The following DNAAF11 variants were observed in gnomAD, a reference collection of about 807,000 sequenced individuals.
DNAAF11 encodes dynein axonemal assembly factor 11.
Under a neutral mutation model 60.8 loss-of-function variants are expected in DNAAF11, and 45 were observed. The observed-to-expected ratio is 0.74, with a 90% confidence interval of 0.58 to 0.95. DNAAF11 has a LOEUF of 0.95. Among genes scored for constraint, DNAAF11 ranks in the 40% least tolerant of loss-of-function variants. The pLI is 0.00. For synonymous variants in DNAAF11, 191 were observed against 183.5 expected (o/e 1.04, Z -0.33); for missense variants, 546 against 546.2 (o/e 1.00, Z 0.00).
At chr8:132,625,190 T>C (rs1820126294) in intron 6 of DNAAF11, 82 bp downstream of exon 6, 4 of 1,096,518 alleles carry the variant, frequency 3.6e-6, no homozygotes, top group Non-Finnish European at 5.1e-6. Flanking sequence ...TTAACACAAA[T>C]AATGGGTCAA....
At chr8:132,658,602 T>C (rs577389481) in intron 2 of DNAAF11, among the ~76,000 whole-genome samples, 3 of 152,216 alleles carry the variant, frequency 2.0e-5, no homozygotes, top group African/African-American at 7.2e-5. Flanking sequence ...ATTACAGGCA[T>C]GAGCCACCGC....
intron 11 of DNAAF11, 107 bp downstream of exon 11, chr8:132,583,587 C>T (rs1398427794): frequency 2.3e-6 from 2 of 856,098 alleles, no homozygotes; most frequent in Non-Finnish European, 3.9e-6. Flanking sequence ...TATGAATCAT[C>T]TCAGAACTTT....
chr8:132,687,632 A>G, the DNAAF11 span: 1 of 455,862 alleles, frequency 2.2e-6, no homozygotes, highest in Non-Finnish European at 4.4e-6. Flanking sequence ...ATCCTCACCC[A>G]TCGTGTGGTT....
intron 5 of DNAAF11, among the ~76,000 whole-genome samples, chr8:132,628,474 C>A (rs1820496703): frequency 6.6e-6 from 1 of 152,010 alleles, no homozygotes; most frequent in African/African-American, 2.4e-5. Context: ...CCATTAATAC[C>A]TTCTTCCCTG....
At chr8:132,617,454 T>C (rs1190608585) in intron 7 of DNAAF11, among the ~76,000 whole-genome samples, 2 of 152,214 alleles carry the variant, frequency 1.3e-5, no homozygotes, top group African/African-American at 4.8e-5. Context: ...TGTCTGTTGT[T>C]GGTGTATAAG....
intron 1 of DNAAF11, among the ~76,000 whole-genome samples, chr8:132,670,383 G>T (rs568797275): frequency 6.6e-6 from 1 of 152,054 alleles, no homozygotes; most frequent in East Asian, 1.9e-4. Flanking sequence ...TCAATTAAAC[G>T]GGTGAATCCC....
chr8:132,686,479 G>C, the DNAAF11 span, among the ~76,000 whole-genome samples: 3 of 152,162 alleles, frequency 2.0e-5, no homozygotes, highest in Non-Finnish European at 2.9e-5. Flanking sequence ...ACTACACAAT[G>C]CAGTATTTCC....
intron 7 of DNAAF11, among the ~76,000 whole-genome samples, chr8:132,615,433 C>T (rs1819043791): frequency 6.6e-6 from 1 of 152,188 alleles, no homozygotes; most frequent in African/African-American, 2.4e-5. Context: ...CAAACTAAAA[C>T]ATTGGAATTA....
chr8:132,588,658 G>C (rs1816153724), intron 10 of DNAAF11, among the ~76,000 whole-genome samples: 2 of 152,194 alleles, frequency 1.3e-5, no homozygotes, highest in Non-Finnish European at 1.5e-5. Context: ...AAAGGATAGA[G>C]AGCAGAAATC....
chr8:132,646,094 T>C (rs1182329545), intron 3 of DNAAF11, among the ~76,000 whole-genome samples: 4 of 152,162 alleles, frequency 2.6e-5, no homozygotes, highest in African/African-American at 4.8e-5. Context: ...AGAGAAAGGT[T>C]GGGTTACCCA....
At chr8:132,573,577 T>C (rs923596695) in intron 11 of DNAAF11, among the ~76,000 whole-genome samples, 1 of 152,222 alleles carries the variant, frequency 6.6e-6, no homozygotes, top group African/African-American at 2.4e-5. Context: ...TGAAAAATAT[T>C]ATTTTTCTAT....
chr8:132,637,639 T>C (rs558991986), intron 4 of DNAAF11, among the ~76,000 whole-genome samples: 3 of 152,202 alleles, frequency 2.0e-5, no homozygotes, highest in Non-Finnish European at 4.4e-5. Context: ...TGAATTCTTA[T>C]CAGTAATGAT....
At chr8:132,629,523 A>G (rs1820603939) in intron 5 of DNAAF11, among the ~76,000 whole-genome samples, 1 of 151,672 alleles carries the variant, frequency 6.6e-6, no homozygotes, top group South Asian at 2.1e-4. Flanking sequence ...AATTTTTTGT[A>G]TTTTTAGTAG....
the DNAAF11 span, among the ~76,000 whole-genome samples, chr8:132,697,818 C>G: frequency 4.6e-5 from 7 of 151,988 alleles, no homozygotes; most frequent in Non-Finnish European, 1.0e-4. Context: ...ATAGTGCAGT[C>G]TGGTGTCATG....
At position 132,622,637 on chromosome 8, in the gene DNAAF11, C is replaced by A; in HGVS notation, c.888G>T (p.Gly296=). 2.5e-6 allele frequency: 4 copies of A among 1,613,716 alleles called. No homozygotes were observed. The South Asian group carries it at 3.3e-5, about 13-fold the overall frequency. ...KPPRTLITED[G]KALNVNEPKI... is the part of the protein sequence containing the mutation. ...TGGGCTCATTCACATTTAGGGCTTT[C>A]CCATCTTCAGTGATCAAAGTCCTGG... The change falls in exon 7 of 12, where the codon GGG becomes GGT. Residue 296 remains glycine (G), a synonymous_variant. Transcript: ENST00000620350.
chr8:132,596,408 T>C (rs968546703), intron 10 of DNAAF11, among the ~76,000 whole-genome samples: 1 of 152,168 alleles, frequency 6.6e-6, no homozygotes, highest in African/African-American at 2.4e-5. Context: ...CTTCTGACAG[T>C]TCCCCATAGA....
chr8:132,698,553 A>C, the DNAAF11 span, among the ~76,000 whole-genome samples: 1 of 152,200 alleles, frequency 6.6e-6, no homozygotes, highest in Non-Finnish European at 1.5e-5. Context: ...CATCTTGAAT[A>C]ATCTGGGCAC....
chr8:132,647,540 C>CA (rs1385197100), intron 3 of DNAAF11, among the ~76,000 whole-genome samples: 5 of 152,024 alleles, frequency 3.3e-5, no homozygotes, highest in African/African-American at 4.8e-5. Context: ...GACAGAAACA[C>CA]AAAAAACCCT....
chr8:132,645,783 GA>G (rs772154078), intron 3 of DNAAF11, among the ~76,000 whole-genome samples: 1 of 151,534 alleles, frequency 6.6e-6, no homozygotes, highest in Non-Finnish European at 1.5e-5. Context: ...GAGAAGTTTA[GA>G]AAAAAAAGAG....
Sources: gnomAD v4.1 joint callset for allele counts (sites outside exome capture counted in the v4.1 genomes callset) on GRCh38, gnomAD v4.1.1 for gene constraint, MANE v1.5 for transcripts, NCBI Gene and HGNC (gene_info 2026-07-23, HGNC 2026-07-21) for gene names.